The following DSE variants were observed in gnomAD, a reference collection of about 807,000 sequenced individuals.
DSE encodes dermatan-sulfate epimerase.
DSE carries 36 observed loss-of-function variants against 84.4 expected under a neutral mutation model. The observed-to-expected ratio is 0.43, with a 90% CI of 0.33 to 0.56. The LOEUF (loss-of-function observed/expected upper bound fraction) is 0.56, where lower values mean the gene tolerates loss of function less well. DSE is among the 20% of genes least tolerant of loss of function. The pLI is 0.06. For missense variants in DSE, 862 were observed against 1,169.6 expected, an observed-to-expected ratio of 0.74 and a Z score of 3.84; for synonymous variants, 410 against 430.1, an observed-to-expected ratio of 0.95 and a Z score of 0.58.
intron 2 of DSE, chr6:116,400,500 G>C (rs1367576065): frequency 6.6e-6 from 1 of 152,060 alleles, no homozygotes; most frequent in Non-Finnish European, 1.5e-5. Flanking sequence ...TAAATGCTTA[G>C]AAAAAAATCA....
In DSE at chr6:116,322,806, T is replaced by A. The variant is rs1776405749; in HGVS notation, c.-54+63839T>A. On this transcript the variant is annotated intron_variant, in intron 2 of 3. Transcript: ENST00000430252. The stretch of plus-strand genomic sequence containing the variant: ...ATGACTCTCAACCAAGATTTTCTGT[T>A]TAAATATGGAGAGAAGAGAGAGAAG... Among the ~76,000 whole-genome samples the A allele has an allele frequency of 2.0e-5, 3 of 152,162 alleles. No homozygotes were observed. In the South Asian group the frequency reaches 6.2e-4, roughly 31 times the overall value.
intron 2 of DSE, among the ~76,000 whole-genome samples, chr6:116,356,838 A>G (rs918254518): frequency 1.3e-5 from 2 of 152,174 alleles, no homozygotes; most frequent in South Asian, 2.1e-4. Flanking sequence ...ATTCTGAGGC[A>G]TAGAAAGCCT....
chr6:116,307,120 G>A (rs1023660095), intron 2 of DSE, among the ~76,000 whole-genome samples: 1 of 152,086 alleles, frequency 6.6e-6, no homozygotes, highest in Non-Finnish European at 1.5e-5. Flanking sequence ...TTTCACACAG[G>A]CATGTGAGTC....
chr6:116,272,941 A>C (rs2062359934), intron 2 of DSE, among the ~76,000 whole-genome samples: 1 of 152,240 alleles, frequency 6.6e-6, no homozygotes. Context: ...GAAATCTCTT[A>C]GCACAGTGTC....
At chr6:116,423,112 T>A (rs1340749433) in intron 2 of DSE, 1 of 152,224 alleles carries the variant, frequency 6.6e-6, no homozygotes, top group Admixed American at 6.5e-5. Flanking sequence ...CCCAGTAGAG[T>A]TACCGGCTGA....
chr6:116,374,633 G>C (rs1184067778), intron 1 of DSE, among the ~76,000 whole-genome samples: 1 of 152,170 alleles, frequency 6.6e-6, no homozygotes, highest in Non-Finnish European at 1.5e-5. Flanking sequence ...CCAAGTCCGA[G>C]GTTGAGGGGC....
At chr6:116,266,124 A>G (rs1772615942) in intron 2 of DSE, among the ~76,000 whole-genome samples, 1 of 151,962 alleles carries the variant, frequency 6.6e-6, no homozygotes, top group South Asian at 2.1e-4. Flanking sequence ...TCCCCTTTTA[A>G]CCCAGTTTCT....
In DSE at chr6:116,436,614, C is replaced by T. The variant is rs762120249; in HGVS notation, c.2146C>T (p.Arg716Cys). The T allele has an allele frequency of 4.3e-6, 7 of 1,614,094 alleles. No individual in the cohort carries two copies. Among genetic ancestry groups the T allele is most frequent in the East Asian group, 4.5e-5 (2 of 44,876 alleles). Residue 716 changes from arginine (R) to cysteine (C), a missense_variant, in exon 6 of 6, where the codon CGT (arginine) becomes TGT (cysteine). Arg to Cys is a radical substitution (Grantham distance 180). Around this residue, in one of 4 missense-constraint regions of DSE, gnomAD observed 315 missense variants for 348.1 expected, o/e 0.90. Transcript: ENST00000644252. The stretch of plus-strand genomic sequence containing the variant: ...TGCCTTTGCACAGGTCATTGCTGAT[C>T]GTCACAAAATTCTGTTTGACCGGAA... ...QSAFAQVIAD[R>C]HKILFDRNSA...
At chr6:116,258,606 A>T (rs753043439) in exon 2 of DSE, 83 of 1,612,232 alleles carry the variant, frequency 5.1e-5, no homozygotes, top group Non-Finnish European at 6.7e-5. Context: ...CCAGGCACTC[A>T]GCAATGGTCT....
intron 2 of DSE, chr6:116,355,951 T>A (rs1355633985): frequency 6.6e-6 from 1 of 152,226 alleles, no homozygotes; most frequent in Non-Finnish European, 1.5e-5. Context: ...CCAGCTCACA[T>A]ACTAGACAAA....
At chr6:116,409,322 G>C (rs547051766) in intron 2 of DSE, among the ~76,000 whole-genome samples, 1 of 152,260 alleles carries the variant, frequency 6.6e-6, no homozygotes, top group African/African-American at 2.4e-5. Flanking sequence ...TGTCGCCCAG[G>C]CTGGAGTGCA....
rs376030365 is a variant in DSE at position 116,405,650 on chromosome 6, G to T, written c.416+5984G>T. Among the ~76,000 whole-genome samples the T allele has an allele frequency of 5.9e-5, 9 of 152,216 alleles. No homozygotes were observed. In the South Asian group the frequency reaches 1.9e-3, roughly 32 times the overall value. On this transcript the variant is annotated intron_variant, in intron 2 of 5. Coordinates refer to ENST00000644252, the MANE Select transcript of DSE (RefSeq NM_013352.4). ...AATAACTTATGAGGCTTTTTACAAC[G>T]ATCAAATTATTTAAAATTTACAGAA...
chr6:116,368,731 G>C (rs549856521), upstream of DSE, among the ~76,000 whole-genome samples: 12 of 152,152 alleles, frequency 7.9e-5, no homozygotes, highest in African/African-American at 2.7e-4. Context: ...TTCAATTCTT[G>C]GCATCAGGGT....
intron 2 of DSE, among the ~76,000 whole-genome samples, chr6:116,421,404 TA>T (rs1266174905): frequency 7.0e-6 from 1 of 142,214 alleles, no homozygotes; most frequent in Admixed American, 7.2e-5. Flanking sequence ...CATTTCATAT[TA>T]ACATAAACAT....
At chr6:116,259,206 A>G in intron 2 of DSE, 2 of 641,366 alleles carry the variant, frequency 3.1e-6, no homozygotes, top group Non-Finnish European at 5.5e-6. Context: ...CTTGTAATTT[A>G]AAGGAAAAAT....
intron 1 of DSE, among the ~76,000 whole-genome samples, chr6:116,373,669 A>G (rs539782294): frequency 6.6e-6 from 1 of 152,350 alleles, no homozygotes; most frequent in African/African-American, 2.4e-5. Flanking sequence ...TGCTGCCCTG[A>G]GAGGACCTGG....
rs143626892 is a variant in DSE at position 116,279,219 on chromosome 6, C to T, written c.-54+20252C>T. 2.5e-6 allele frequency: 4 copies of T among 1,609,848 alleles called. No individual in the cohort carries two copies. In the African/African-American group the frequency reaches 5.3e-5, roughly 21 times the overall value. On this transcript the variant is annotated intron_variant, in intron 2 of 3. Coordinates refer to the DSE transcript ENST00000430252. ...CCTCCTCCAATCTATCCTCCTCCGCCACTTCTATTTCTTCACCTTCTGGCG... is the reference window on the plus strand; with the variant it reads ...CCTCCTCCAATCTATCCTCCTCCGCTACTTCTATTTCTTCACCTTCTGGCG...
intron 2 of DSE, among the ~76,000 whole-genome samples, chr6:116,269,387 A>C (rs1772781781): frequency 6.6e-6 from 1 of 152,228 alleles, no homozygotes; most frequent in Non-Finnish European, 1.5e-5. Flanking sequence ...AATTACATTA[A>C]ATAAACAATA....
At position 116,348,806 on chromosome 6, in the gene DSE, T is replaced by G. The variant is rs534646044; in HGVS notation, c.-53-50392T>G. On this transcript the variant is annotated intron_variant, in intron 2 of 3. Transcript: ENST00000430252. The stretch of plus-strand genomic sequence containing the variant: ...AATACTATGCAGCCATAAAAAAGGA[T>G]GAGTTCATGTCCTTTGTAGGGACAT... 1.7e-3 allele frequency among the ~76,000 whole-genome samples: 258 copies of G among 152,226 alleles called. 1 individual carries two copies. The highest frequency in any genetic ancestry group is 0.014 in the Middle Eastern group (4 of 294).
Sources: gnomAD v4.1 joint callset for allele counts (sites outside exome capture counted in the v4.1 genomes callset) on GRCh38, gnomAD v4.1.1 for gene constraint, gnomAD v4.1.1 regional missense constraint, MANE v1.5 for transcripts, NCBI Gene and HGNC (gene_info 2026-07-23, HGNC 2026-07-21) for gene names.